DIAPH2: variants seen among roughly 807,000 people sequenced by gnomAD.
DIAPH2 encodes diaphanous related formin 2.
A neutral mutation model predicts 92.7 loss-of-function variants in DIAPH2; 35 were observed. That is an observed-to-expected ratio of 0.38 (90% CI 0.29 to 0.50). DIAPH2 has a LOEUF of 0.50. DIAPH2 is among the 20% of genes least tolerant of loss of function. DIAPH2 has a pLI of 0.94. For missense variants in DIAPH2, 701 were observed against 819.5 expected (o/e 0.86, Z 1.77); for synonymous variants, 301 against 280.4 (o/e 1.07, Z -0.73).
At chrX:97,112,863 C>T (rs1602350303) in intron 20 of DIAPH2, among the ~76,000 whole-genome samples, 3 of 101,924 alleles carry the variant, frequency 2.9e-5, no homozygotes, top group East Asian at 6.3e-4. Flanking sequence ...CTGCAACCTC[C>T]GCCTACCAGG....
chrX:97,239,924 T>C (rs2068079674), intron 22 of DIAPH2, among the ~76,000 whole-genome samples: 1 of 109,698 alleles, frequency 9.1e-6, no homozygotes, highest in Non-Finnish European at 1.9e-5. Context: ...CTGAGAAATA[T>C]TAGAAGTAGT....
intron 23 of DIAPH2, among the ~76,000 whole-genome samples, chrX:97,250,733 T>C (rs1339606841): frequency 9.0e-6 from 1 of 111,674 alleles, no homozygotes. Flanking sequence ...ACAGTGAAGA[T>C]CATCTAGTCC....
At chrX:97,085,114 T>C (rs982665636) in intron 19 of DIAPH2, among the ~76,000 whole-genome samples, 1 of 111,718 alleles carries the variant, frequency 9.0e-6, no homozygotes, top group Non-Finnish European at 1.9e-5. Flanking sequence ...ATATTTTTTG[T>C]TTAGATTTTG....
At chrX:97,145,326 G>T (rs866530634) in intron 22 of DIAPH2, among the ~76,000 whole-genome samples, 17 of 107,810 alleles carry the variant, frequency 1.6e-4, no homozygotes, top group African/African-American at 5.4e-4. Flanking sequence ...AGTAGTAGTG[G>T]TAGTAGTAGT....
chrX:96,838,448 A>G (rs2064913545), intron 4 of DIAPH2, among the ~76,000 whole-genome samples: 1 of 112,314 alleles, frequency 8.9e-6, no homozygotes, highest in African/African-American at 3.2e-5. Flanking sequence ...CAAAATAAAT[A>G]CTTTCATGTC....
intron 23 of DIAPH2, among the ~76,000 whole-genome samples, chrX:97,293,546 C>T (rs1052356346): frequency 2.7e-5 from 3 of 111,543 alleles, no homozygotes; most frequent in African/African-American, 6.5e-5. Context: ...CCACTGCCCC[C>T]GGTCTTTGTT....
chrX:96,924,605 C>CA (rs1024165493), intron 9 of DIAPH2, among the ~76,000 whole-genome samples: 5 of 111,288 alleles, frequency 4.5e-5, no homozygotes, highest in African/African-American at 1.6e-4. Flanking sequence ...AGTCCATTCT[C>CA]ACATTGCTAT....
At position 97,578,383 on chromosome X, in the gene DIAPH2, A is replaced by G. The variant is rs1210693218; in HGVS notation, c.3242-20870A>G. ...CCCCTTCCTGTGTCCATGTCATCTC[A>G]TTGTTCAATTCCCACCTATGAGTGA... On this transcript the variant is annotated intron_variant, in intron 26 of 26. Transcript: ENST00000324765. Among the ~76,000 whole-genome samples, 3 of 102,571 alleles carry G rather than the reference A, an allele frequency of 2.9e-5. No individual in the cohort carries two copies. The Admixed American group carries it at 3.3e-4, about 11-fold the overall frequency. 89.1% of individuals were successfully genotyped at this position (102,571 alleles called of 115,157 possible).
chrX:97,172,258 T>G (rs953524463), intron 22 of DIAPH2, among the ~76,000 whole-genome samples: 1 of 112,407 alleles, frequency 8.9e-6, no homozygotes, highest in Non-Finnish European at 1.9e-5. Context: ...ATAAACTACT[T>G]GAACCCTGTA....
chrX:97,052,334 T>C, intron 17 of DIAPH2, among the ~76,000 whole-genome samples: 1 of 111,111 alleles, frequency 9.0e-6, no homozygotes, highest in Non-Finnish European at 1.9e-5. Flanking sequence ...GTGCTTCTAA[T>C]GTCATATTCC....
At chrX:97,194,568 A>G (rs72614319) in intron 22 of DIAPH2, among the ~76,000 whole-genome samples, 8,941 of 111,117 alleles carry the variant, frequency 0.08, 291 homozygotes, top group Non-Finnish European at 0.098. Context: ...ACAGGCGTGA[A>G]CCACTGCACC....
At chrX:97,482,657 AAAG>A (rs992411073) in intron 26 of DIAPH2, among the ~76,000 whole-genome samples, 1 of 80,094 alleles carries the variant, frequency 1.2e-5, no homozygotes, top group African/African-American at 5.2e-5. Context: ...AGGGGACCAA[AAAG>A]AAAAAAAAAA....
chrX:97,100,640 C>T (rs761853060), intron 20 of DIAPH2, among the ~76,000 whole-genome samples: 2 of 111,959 alleles, frequency 1.8e-5, no homozygotes, highest in Admixed American at 1.9e-4. Flanking sequence ...CAACTTTACC[C>T]TGGCTCCCTG....
At chrX:96,795,669 A>G (rs968723157) in intron 4 of DIAPH2, among the ~76,000 whole-genome samples, 6 of 111,879 alleles carry the variant, frequency 5.4e-5, no homozygotes, top group African/African-American at 1.3e-4. Context: ...TTATTAAATG[A>G]TCATTACATA....
chrX:96,907,153 C>A (rs2065438849), intron 5 of DIAPH2, among the ~76,000 whole-genome samples: 1 of 111,706 alleles, frequency 9.0e-6, no homozygotes, highest in South Asian at 3.7e-4. Context: ...ACTTACATAG[C>A]CCATCCAAAA....
chrX:96,904,430 T>A (rs893517747), intron 5 of DIAPH2, among the ~76,000 whole-genome samples: 1 of 112,241 alleles, frequency 8.9e-6, no homozygotes, highest in Non-Finnish European at 1.9e-5. Context: ...TTTGCTTTCA[T>A]GTAGAGAAAC....
At chrX:96,901,047 T>A (rs1471322370) in intron 5 of DIAPH2, among the ~76,000 whole-genome samples, 1 of 112,024 alleles carries the variant, frequency 8.9e-6, no homozygotes, top group African/African-American at 3.2e-5. Flanking sequence ...AAAATTTTTC[T>A]TTGAATGTCT....
chrX:97,006,143 G>T (rs1187989436), intron 17 of DIAPH2, among the ~76,000 whole-genome samples: 1 of 110,958 alleles, frequency 9.0e-6, no homozygotes, highest in Non-Finnish European at 1.9e-5. Flanking sequence ...TTGATTTCTA[G>T]TTTTATTCCA....
At chrX:96,943,115 C>A in intron 13 of DIAPH2, among the ~76,000 whole-genome samples, 1 of 110,662 alleles carries the variant, frequency 9.0e-6, no homozygotes, top group South Asian at 3.8e-4. Flanking sequence ...TTCTCTATGA[C>A]CTATCTATCT....
Sources: gnomAD v4.1 joint callset for allele counts (sites outside exome capture counted in the v4.1 genomes callset) on GRCh38, gnomAD v4.1.1 for gene constraint, MANE v1.5 for transcripts, NCBI Gene and HGNC (gene_info 2026-07-23, HGNC 2026-07-21) for gene names.